Variants in PPM1H observed in about 807,000 individuals in gnomAD.
PPM1H encodes protein phosphatase, Mg2+/Mn2+ dependent 1H, also known as protein phosphatase 1H.
A neutral mutation model predicts 54.9 loss-of-function variants in PPM1H; 27 were observed. The observed-to-expected ratio is 0.49, with a 90% confidence interval of 0.36 to 0.68. PPM1H has a LOEUF of 0.68. Ranked by LOEUF, PPM1H falls within the 30% of genes least tolerant of loss-of-function variation. The pLI is 0.00. For missense variants in PPM1H, 596 were observed against 667.8 expected, an observed-to-expected ratio of 0.89 and a Z score of 1.19; for synonymous variants, 305 against 270.8, an observed-to-expected ratio of 1.13 and a Z score of -1.24.
At chr12:62,687,835 C>G (rs964726579) in intron 8 of PPM1H, among the ~76,000 whole-genome samples, 5 of 151,878 alleles carry the variant, frequency 3.3e-5, no homozygotes, top group African/African-American at 1.2e-4. Flanking sequence ...ATGGTGAAAC[C>G]CTGTCTCCAC....
chr12:62,719,616 C>T (rs1336004580), intron 6 of PPM1H, among the ~76,000 whole-genome samples: 1 of 152,148 alleles, frequency 6.6e-6, no homozygotes, highest in Non-Finnish European at 1.5e-5. Flanking sequence ...CGACAACCCC[C>T]CTGACAAGAG....
At position 62,874,749 on chromosome 12, in the gene PPM1H, C is replaced by T. The variant is rs553110523; in HGVS notation, c.246-42470G>A. On this transcript the variant is annotated intron_variant, in intron 1 of 9. Coordinates refer to ENST00000228705, the MANE Select transcript of PPM1H (RefSeq NM_020700.2). ...TAGGCATGATTTCAAATGTCTTTTT[C>T]TTTCAAAGGAAATTCAGATGGCATT... Among the ~76,000 whole-genome samples the T allele has an allele frequency of 3.3e-5, 5 of 152,322 alleles. No homozygotes were observed. The South Asian group carries it at 1.0e-3, about 32-fold the overall frequency.
chr12:62,820,614 A>C (rs1249034126), intron 2 of PPM1H, among the ~76,000 whole-genome samples: 2 of 152,194 alleles, frequency 1.3e-5, no homozygotes, highest in Non-Finnish European at 2.9e-5. Flanking sequence ...CGCTGGTGAT[A>C]CCTAAGCAAA....
intron 1 of PPM1H, among the ~76,000 whole-genome samples, chr12:62,898,986 A>C (rs1871078966): frequency 6.6e-6 from 1 of 152,194 alleles, no homozygotes; most frequent in African/African-American, 2.4e-5. Flanking sequence ...ATGAGTGGTT[A>C]GGGGATGTTG....
intron 8 of PPM1H, among the ~76,000 whole-genome samples, chr12:62,670,358 AT>A (rs1361474298): frequency 1.3e-5 from 2 of 152,316 alleles, no homozygotes; most frequent in African/African-American, 4.8e-5. Context: ...ATATTGAGTC[AT>A]AAGAGGTGGT....
chr12:62,650,529 T>C (rs2075809895), intron 9 of PPM1H, among the ~76,000 whole-genome samples: 1 of 152,172 alleles, frequency 6.6e-6, no homozygotes, highest in Non-Finnish European at 1.5e-5. Flanking sequence ...TCATACACTA[T>C]AGTCAGAAAA....
intron 4 of PPM1H, among the ~76,000 whole-genome samples, chr12:62,777,411 C>A (rs1245223101): frequency 6.6e-6 from 1 of 152,196 alleles, no homozygotes; most frequent in Non-Finnish European, 1.5e-5. Flanking sequence ...GTAGCTTCCC[C>A]AGCACAGTGC....
chr12:62,934,520 G>A lies in PPM1H; in HGVS notation c.217C>T (p.Arg73Trp). Residue 73 changes from arginine to tryptophan, a missense_variant, in exon 1 of 10, where the codon CGG (arginine) becomes TGG (tryptophan). By Grantham distance (101) the Arg-to-Trp change is moderately radical. Transcript: ENST00000228705. The surrounding 1 kb of genome is among the most constrained non-coding windows in gnomAD (Gnocchi z 4.2). ...GCGTAGCCAGTGGCCCAGGGCAGCCGCCGAGTCTCCTTGAGGATGAGGATG... is the reference window on the plus strand; with the variant it reads ...GCGTAGCCAGTGGCCCAGGGCAGCCACCGAGTCTCCTTGAGGATGAGGATG... ...RPILILKETR[R>W]LPWATGYAEV... 2 of 1,548,720 alleles carry A rather than the reference G, an allele frequency of 1.3e-6. No homozygotes were observed. Among genetic ancestry groups the A allele is most frequent in the Non-Finnish European group, 8.7e-7 (1 of 1,146,986 alleles).
chr12:62,685,730 A>G (rs1195566201), intron 8 of PPM1H, among the ~76,000 whole-genome samples: 1 of 152,216 alleles, frequency 6.6e-6, no homozygotes, highest in Non-Finnish European at 1.5e-5. Context: ...GACCACAGTT[A>G]ATAATAATGT....
At chr12:62,815,653 G>A (rs2076862231) in intron 2 of PPM1H, among the ~76,000 whole-genome samples, 1 of 152,114 alleles carries the variant, frequency 6.6e-6, no homozygotes, top group Non-Finnish European at 1.5e-5. Flanking sequence ...CCTACCCCAT[G>A]CACTATTCTA....
intron 4 of PPM1H, among the ~76,000 whole-genome samples, chr12:62,775,757 G>C (rs2076606795): frequency 6.6e-6 from 1 of 152,182 alleles, no homozygotes; most frequent in Non-Finnish European, 1.5e-5. Flanking sequence ...GGCCCTGTTT[G>C]CACCTCCTCT....
At chr12:62,757,054 A>C (rs777733443) in intron 4 of PPM1H, among the ~76,000 whole-genome samples, 3 of 152,160 alleles carry the variant, frequency 2.0e-5, no homozygotes, top group Non-Finnish European at 2.9e-5. Flanking sequence ...TGGCACCCCC[A>C]ATGATGAGAC....
At chr12:62,893,856 G>A (rs1316886498) in intron 1 of PPM1H, among the ~76,000 whole-genome samples, 1 of 152,118 alleles carries the variant, frequency 6.6e-6, no homozygotes, top group Non-Finnish European at 1.5e-5. Context: ...GGTACTAGGG[G>A]TTAGGACTTC....
intron 9 of PPM1H, among the ~76,000 whole-genome samples, chr12:62,662,526 T>A (rs1349652447): frequency 6.6e-6 from 1 of 152,208 alleles, no homozygotes. Context: ...GTGCTTATTA[T>A]CTATTAGGCA....
intron 2 of PPM1H, among the ~76,000 whole-genome samples, chr12:62,809,943 G>A (rs1206517060): frequency 2.6e-5 from 4 of 151,854 alleles, no homozygotes; most frequent in Admixed American, 2.6e-4. Context: ...TCGGTTTTTG[G>A]TGGAAGCGTG....
chr12:62,761,872 A>T (rs1009897507), intron 4 of PPM1H, among the ~76,000 whole-genome samples: 4 of 152,184 alleles, frequency 2.6e-5, no homozygotes, highest in Non-Finnish European at 4.4e-5. Flanking sequence ...AGGCTTAGAC[A>T]TGAAGACTGA....
chr12:62,707,584 A>T lies in PPM1H; in HGVS notation c.1073+12587T>A, dbSNP rs963410960. ...AATCGCCTGGGGTGCTTATTAAAAA[A>T]TGCAGAATCCATAGAGATTCTAATT... On this transcript the variant is annotated intron_variant, in intron 6 of 9. Coordinates refer to ENST00000228705, the MANE Select transcript of PPM1H (RefSeq NM_020700.2). Among the ~76,000 whole-genome samples the T allele has an allele frequency of 1.1e-4, 17 of 152,378 alleles. No homozygotes were observed. The East Asian group carries it at 2.5e-3, about 22-fold the overall frequency.
chr12:62,822,496 A>T (rs1313158154), intron 2 of PPM1H, among the ~76,000 whole-genome samples: 1 of 152,164 alleles, frequency 6.6e-6, no homozygotes, highest in Admixed American at 6.5e-5. Context: ...GTTGGAAGTA[A>T]AGCAGTCCTT....
intron 4 of PPM1H, among the ~76,000 whole-genome samples, chr12:62,741,597 T>C (rs563426814): frequency 2.1e-4 from 32 of 152,330 alleles, no homozygotes; most frequent in African/African-American, 7.2e-4. Flanking sequence ...GAACGCCTTC[T>C]GTTGTCCTCC....
Sources: allele counts gnomAD v4.1 joint callset (sites outside exome capture counted in the v4.1 genomes callset), GRCh38; gene constraint gnomAD v4.1.1; non-coding constraint Gnocchi (gnomAD v3.1); transcripts MANE v1.5; gene names NCBI Gene and HGNC (gene_info 2026-07-23, HGNC 2026-07-21).